NOL11: variants seen among roughly 807,000 people sequenced by gnomAD.
NOL11 encodes nucleolar protein 11.
In NOL11, 42 loss-of-function variants were observed where a neutral mutation model predicts 93.0. The ratio of observed to expected loss-of-function variants is 0.45; its 90% confidence interval spans 0.35 to 0.58. NOL11 has a LOEUF of 0.58. NOL11 is among the 20% of genes least tolerant of loss of function. The pLI is 0.00. For missense variants in NOL11, 775 were observed against 841.8 expected, an observed-to-expected ratio of 0.92 and a Z score of 0.98; for synonymous variants, 296 against 293.7, an observed-to-expected ratio of 1.01 and a Z score of -0.08.
chr17:67,724,857 G>C (rs975584851), intron 6 of NOL11, among the ~76,000 whole-genome samples: 2 of 152,090 alleles, frequency 1.3e-5, no homozygotes, highest in Admixed American at 6.5e-5. Flanking sequence ...AGGAGATCGA[G>C]ACCATCCTGG....
At chr17:67,735,178 T>G (rs2055189727) in intron 8 of NOL11, among the ~76,000 whole-genome samples, 1 of 152,222 alleles carries the variant, frequency 6.6e-6, no homozygotes, top group Admixed American at 6.5e-5. Context: ...GTGAGTTTTT[T>G]TCTCCAGTGT....
intron 6 of NOL11, among the ~76,000 whole-genome samples, chr17:67,724,902 C>G (rs2055075392): frequency 6.6e-6 from 1 of 151,846 alleles, no homozygotes; most frequent in African/African-American, 2.4e-5. Context: ...ACTAAAAATA[C>G]AAAAAATTAG....
At position 67,719,770 on chromosome 17, in the gene NOL11, G is replaced by T; in HGVS notation, c.238G>T (p.Val80Phe). The change falls in exon 2 of 18, where the codon GTT becomes TTT. Residue 80 changes from valine (V) to phenylalanine (F), a missense_variant. Physicochemically the swap from Val to Phe is conservative, Grantham distance 50. Transcript: ENST00000253247. ...VCNFQTGEYVVVHDNKVLRIW... is the reference protein window; with the variant it reads ...VCNFQTGEYVFVHDNKVLRIW... ...CAACTTTCAAACTGGAGAGTATGTT[G>T]TTGTACACGATAATAAGGTGAGTTT... 1 of 1,603,734 alleles carries T rather than the reference G, an allele frequency of 6.2e-7. No individual in the cohort carries two copies. Among genetic ancestry groups the T allele is most frequent in the Non-Finnish European group, 8.5e-7 (1 of 1,173,812 alleles).
intron 9 of NOL11, 169 bp from the exon 10 acceptor site, chr17:67,736,497 C>T: frequency 3.5e-6 from 2 of 567,784 alleles, no homozygotes; most frequent in South Asian, 2.4e-5. Context: ...GGACATACAG[C>T]CTTTTCACTA....
chr17:67,733,226 G>A (rs535125923), intron 7 of NOL11, among the ~76,000 whole-genome samples: 20 of 152,078 alleles, frequency 1.3e-4, no homozygotes, highest in Admixed American at 5.9e-4. Flanking sequence ...TTAGCTGGGC[G>A]TGGTGGCATG....
At position 67,723,478 on chromosome 17, in the gene NOL11, TC is replaced by T. The variant is rs1209403228; in HGVS notation, c.520-569del. ...ATCTCGGCTCACTGCAACCTCTGCC[TC>T]CTGGGTTCAAGCGATTCTCCTGTCT... On this transcript the variant is annotated intron_variant, in intron 5 of 17. Coordinates refer to ENST00000253247, the MANE Select transcript of NOL11 (RefSeq NM_015462.5). Among the ~76,000 whole-genome samples the T allele has an allele frequency of 7.2e-5, 10 of 139,008 alleles. No homozygotes were observed. In the East Asian group the frequency reaches 2.3e-3, roughly 32 times the overall value. 91.2% of individuals were successfully genotyped at this position (139,008 alleles called of 152,430 possible). A position where few individuals can be genotyped will look rare whatever the true frequency, so the allele number is the denominator to read the frequency against.
intron 14 of NOL11, 74 bp downstream of exon 14, chr17:67,738,429 G>A: frequency 1.1e-6 from 1 of 899,050 alleles, no homozygotes; most frequent in Non-Finnish European, 1.7e-6. Flanking sequence ...TAACCAAGGA[G>A]TAACTCAATA....
chr17:67,726,745 A>T, intron 7 of NOL11, 97 bp downstream of exon 7: 2 of 882,034 alleles, frequency 2.3e-6, no homozygotes, highest in South Asian at 2.6e-5. Context: ...TATTACCCAG[A>T]CTAATTCATT....
At chr17:67,736,181 C>T (rs956927112) in intron 9 of NOL11, among the ~76,000 whole-genome samples, 158 bp downstream of exon 9, 6 of 151,970 alleles carry the variant, frequency 3.9e-5, no homozygotes, top group East Asian at 1.9e-4. Flanking sequence ...CACGGTGTCT[C>T]ACCCCTGTAA....
At chr17:67,720,252 A>C (rs557031964) in intron 3 of NOL11, 2 of 215,006 alleles carry the variant, frequency 9.3e-6, no homozygotes, top group Non-Finnish European at 1.8e-5. Flanking sequence ...GCCCTTTCTT[A>C]GAATAGGTAG....
At chr17:67,724,318 C>T (rs1008194107) in intron 6 of NOL11, 125 bp downstream of exon 6, 27 of 483,090 alleles carry the variant, frequency 5.6e-5, no homozygotes, top group Middle Eastern at 5.3e-4. Context: ...TTCTTTACAG[C>T]GTTCATGCCT....
chr17:67,738,274 A>G lies in NOL11; in HGVS notation c.1682A>G (p.Asp561Gly), dbSNP rs749307765. 6.2e-7 allele frequency: 1 copy of G among 1,614,068 alleles called. No individual in the cohort carries two copies. The highest frequency in any genetic ancestry group is 2.2e-5 in the East Asian group (1 of 44,870). ...GAAGAAGATAAATGCAATAACTGTG[A>G]TCAAGAGTTAAATAAAAAGCCCCAG... ...NPEEDKCNNC[D>G]QELNKKPQDE... The change falls in exon 14 of 18, where the codon GAT becomes GGT. Residue 561 changes from aspartate to glycine, a missense_variant. Asp to Gly is a moderately conservative substitution (Grantham distance 94, BLOSUM62 -1). Transcript: ENST00000253247.
Position 67,739,589 on chromosome 17 carries a change from AC to A in NOL11, c.1919del (p.Pro640HisfsTer4). On this transcript the variant is annotated frameshift_variant, in exon 16 of 18. Coordinates refer to ENST00000253247, the MANE Select transcript of NOL11 (RefSeq NM_015462.5). LOFTEE classifies it high-confidence loss of function. ...ENATMTLPGI[H>X]PPTLNQIMDW... is the part of the protein sequence containing the mutation. ...GCTACTATGACTCTTCCTGGAATAC[AC>A]CCACCTACCTTGAACCAGGTGAGAT... The A allele has an allele frequency of 6.3e-7, 1 of 1,591,092 alleles. No individual in the cohort carries two copies. Among genetic ancestry groups the A allele is most frequent in the Non-Finnish European group, 8.6e-7 (1 of 1,166,662 alleles).
intron 14 of NOL11, chr17:67,738,691 AAG>A: frequency 1.8e-5 from 8 of 439,024 alleles, no homozygotes; most frequent in Non-Finnish European, 2.8e-5. Flanking sequence ...AAAAAAAAAA[AAG>A]AAGAAGCTAT....
At chr17:67,739,764 G>C (rs189197914) in intron 16 of NOL11, among the ~76,000 whole-genome samples, 156 bp downstream of exon 16, 232 of 152,228 alleles carry the variant, frequency 1.5e-3, no homozygotes, top group African/African-American at 5.3e-3. Flanking sequence ...CTAGAAATGG[G>C]GAGTCTCTCA....
At chr17:67,718,194 G>C in intron 1 of NOL11, 106 bp downstream of exon 1, 1 of 1,480,820 alleles carries the variant, frequency 6.8e-7, no homozygotes, top group Non-Finnish European at 9.2e-7. Flanking sequence ...TCGTGGAGAA[G>C]GCTTAGCAGA....
intron 1 of NOL11, chr17:67,719,440 T>C (rs2043200947): frequency 2.1e-5 from 6 of 287,672 alleles, no homozygotes; most frequent in South Asian, 2.0e-4. Context: ...TTTGTGTTTT[T>C]AGTAGAGACA....
At chr17:67,740,022 G>T (rs2055240210) in intron 16 of NOL11, among the ~76,000 whole-genome samples, 1 of 152,082 alleles carries the variant, frequency 6.6e-6, no homozygotes, top group Non-Finnish European at 1.5e-5. Context: ...GATCACTTGA[G>T]GTCAGGAGTT....
chr17:67,734,450 T>C lies in NOL11; in HGVS notation c.930+11T>C. ...GGGACCAGTGGTCAAGTAAGTTTTTTCACTTGAGTACTTTCTCTGATTTAG... is the reference window on the plus strand; with the variant it reads ...GGGACCAGTGGTCAAGTAAGTTTTTCCACTTGAGTACTTTCTCTGATTTAG... On this transcript the variant is annotated intron_variant, in intron 8 of 17. Transcript: ENST00000253247. 1 of 1,518,060 alleles carries C rather than the reference T, an allele frequency of 6.6e-7. No homozygotes were observed. The highest frequency in any genetic ancestry group is 9.1e-7 in the Non-Finnish European group (1 of 1,095,280). 94.0% of individuals were successfully genotyped at this position (1,518,060 alleles called of 1,614,324 possible).
Sources: allele counts gnomAD v4.1 joint callset (sites outside exome capture counted in the v4.1 genomes callset), GRCh38; gene constraint gnomAD v4.1.1; transcripts MANE v1.5; gene names NCBI Gene and HGNC (gene_info 2026-07-23, HGNC 2026-07-21).